The following RUBCNL variants were observed in gnomAD, a reference collection of about 807,000 sequenced individuals.
RUBCNL encodes rubicon like autophagy enhancer.
In RUBCNL, 62 loss-of-function variants were observed where a neutral mutation model predicts 69.5. The ratio of observed to expected loss-of-function variants is 0.89; its 90% CI spans 0.73 to 1.10. RUBCNL has a LOEUF of 1.10. Ranked by LOEUF, RUBCNL falls within the 50% of genes least tolerant of loss-of-function variation. The pLI is 0.00. For missense variants in RUBCNL, 768 were observed against 798.1 expected (o/e 0.96, Z 0.45); for synonymous variants, 291 against 303.6 (o/e 0.96, Z 0.43).
chr13:46,374,049 T>G (rs2048935718), intron 2 of RUBCNL, among the ~76,000 whole-genome samples: 1 of 152,254 alleles, frequency 6.6e-6, no homozygotes, highest in African/African-American at 2.4e-5. Flanking sequence ...TGTCTTAGTC[T>G]GAGTTACCGT....
At chr13:46,354,707 C>G in intron 10 of RUBCNL, 1 of 447,588 alleles carries the variant, frequency 2.2e-6, no homozygotes, top group Admixed American at 2.4e-5. Flanking sequence ...GCTGTAAATC[C>G]CACGGCACTC....
rs529962139 is a variant in RUBCNL at position 46,345,881 on chromosome 13, G to A, written c.1632-281C>T. ...TACAGCCTGCCCATGCACACATTGA[G>A]CAAAAGAAAACTGAGCATTAGTTTT... On this transcript the variant is annotated intron_variant, in intron 12 of 14. Transcript: ENST00000429979. Among the ~76,000 whole-genome samples, 13 of 152,292 alleles carry A rather than the reference G, an allele frequency of 8.5e-5. No homozygotes were observed. The South Asian group carries it at 2.3e-3, about 27-fold the overall frequency.
chr13:46,372,286 G>A lies in RUBCNL; in HGVS notation c.190C>T (p.Gln64Ter), dbSNP rs774970593. 23 of 1,613,898 alleles carry A rather than the reference G, an allele frequency of 1.4e-5. No individual in the cohort carries two copies. The South Asian group carries it at 2.1e-4, about 15-fold the overall frequency. Residue 64 changes from glutamine to a stop codon, truncating the protein, a stop_gained, in exon 3 of 15, where the codon CAG becomes TAG. Transcript: ENST00000429979. LOFTEE classifies it high-confidence loss of function. ...GCTGGCACCTGAGATTGCAAGTCCTGCGGCTGTTGCTGCACATCCTGGGGG... is the reference window on the plus strand; with the variant it reads ...GCTGGCACCTGAGATTGCAAGTCCTACGGCTGTTGCTGCACATCCTGGGGG... ...INPQDVQQQPQDLQSQVPAAG... is the reference protein window; with the variant it reads ...INPQDVQQQP
At position 46,372,100 on chromosome 13, in the gene RUBCNL, T is replaced by C; in HGVS notation, c.376A>G (p.Ser126Gly). 2 of 1,613,938 alleles carry C rather than the reference T, an allele frequency of 1.2e-6. No homozygotes were observed. The highest frequency in any genetic ancestry group is 1.3e-5 in the African/African-American group (1 of 75,000). Reference protein sequence around the residue: ...SPHGSSEKSSSFSLSSTEVHM... With the variant: ...SPHGSSEKSSGFSLSSTEVHM... ...ACCTCTGTTGAGGACAGAGAGAAGCTGCTACTCTTTTCACTCGAGCCATGG... is the reference window on the plus strand; with the variant it reads ...ACCTCTGTTGAGGACAGAGAGAAGCCGCTACTCTTTTCACTCGAGCCATGG... Residue 126 changes from serine (S) to glycine (G), a missense_variant, in exon 3 of 15, where the codon AGC becomes GGC. Transcript: ENST00000429979.
At chr13:46,368,541 T>C (rs1204215500) in intron 4 of RUBCNL, 192 bp downstream of exon 4, 1 of 976,250 alleles carries the variant, frequency 1.0e-6, no homozygotes, top group South Asian at 4.7e-5. Context: ...CACAGAAAAC[T>C]TTCCAGCTGA....
At chr13:46,358,806 A>C (rs903402797) in intron 9 of RUBCNL, among the ~76,000 whole-genome samples, 1 of 152,000 alleles carries the variant, frequency 6.6e-6, no homozygotes, top group African/African-American at 2.4e-5. Flanking sequence ...CCCTGACCCC[A>C]GCCTAGGCCT....
At chr13:46,375,130 G>A (rs1273974840) in intron 2 of RUBCNL, among the ~76,000 whole-genome samples, 2 of 152,132 alleles carry the variant, frequency 1.3e-5, no homozygotes, top group South Asian at 2.1e-4. Context: ...GAGGGGCCTT[G>A]TCTGTTCCCT....
chr13:46,365,587 C>T (rs369913084), intron 5 of RUBCNL, among the ~76,000 whole-genome samples: 8 of 152,190 alleles, frequency 5.3e-5, no homozygotes, highest in Non-Finnish European at 8.8e-5. Flanking sequence ...CTGAAGGATG[C>T]GAAGGATGAA....
In RUBCNL at chr13:46,356,244, G is replaced by A. The variant is rs1035590370; in HGVS notation, c.1330+188C>T. On this transcript the variant is annotated intron_variant, in intron 10 of 14. Coordinates refer to ENST00000429979, the MANE Select transcript of RUBCNL (RefSeq NM_025113.5). ...CTAGGAGGCTGGTCCTGGTGTCCTC[G>A]GTCCTAGTTGATCACACAGCCTTGT... is the stretch of plus-strand genomic sequence containing the variant. Among the ~76,000 whole-genome samples, 27 of 152,144 alleles carry A rather than the reference G, an allele frequency of 1.8e-4. 1 individual carries two copies. Among genetic ancestry groups the A allele is most frequent in the Admixed American group, 1.7e-3 (26 of 15,282 alleles).
At chr13:46,353,729 G>C (rs1371948170) in intron 10 of RUBCNL, among the ~76,000 whole-genome samples, 6 of 152,184 alleles carry the variant, frequency 3.9e-5, no homozygotes, top group Non-Finnish European at 8.8e-5. Context: ...CAGCATCAGG[G>C]GGTTGGGTGG....
upstream of RUBCNL, chr13:46,387,518 G>A (rs1408247484): frequency 1.0e-6 from 1 of 985,662 alleles, no homozygotes; most frequent in Non-Finnish European, 1.2e-6. Context: ...CCTACCCGCG[G>A]CGCGAGACGC....
At position 46,334,762 on chromosome 13, in the gene RUBCNL, T is replaced by C. The variant is rs895311873; in HGVS notation, c.*8623A>G. ...CATACTTTTCATAACTTATATCATTTAATCTGTACGACAACCTTGTGAGAC... is the reference window on the plus strand; with the variant it reads ...CATACTTTTCATAACTTATATCATTCAATCTGTACGACAACCTTGTGAGAC... On this transcript the variant is annotated 3_prime_UTR_variant, in exon 15 of 15. Transcript: ENST00000429979. Among the ~76,000 whole-genome samples, 1 of 152,246 alleles carries C rather than the reference T, an allele frequency of 6.6e-6. No homozygotes were observed. The highest frequency in any genetic ancestry group is 6.5e-5 in the Admixed American group (1 of 15,288).
chr13:46,366,635 T>C (rs1233197914), intron 5 of RUBCNL, among the ~76,000 whole-genome samples: 1 of 152,204 alleles, frequency 6.6e-6, no homozygotes, highest in South Asian at 2.1e-4. Flanking sequence ...ATACACCATA[T>C]GGAGTGAGTT....
At chr13:46,371,567 T>C (rs1185742622) in intron 3 of RUBCNL, among the ~76,000 whole-genome samples, 1 of 152,212 alleles carries the variant, frequency 6.6e-6, no homozygotes, top group African/African-American at 2.4e-5. Flanking sequence ...TACTAGGTAC[T>C]GGTGTGAAAT....
At position 46,335,086 on chromosome 13, in the gene RUBCNL, A is replaced by G. The variant is rs1412957388; in HGVS notation, c.*8299T>C. On this transcript the variant is annotated 3_prime_UTR_variant, in exon 15 of 15. Transcript: ENST00000429979. ...GAATTTGGACTTTTTTTTTTTTGAG[A>G]TGGGGTCTCACTCTGTCACCCAGGC... 3.3e-5 allele frequency among the ~76,000 whole-genome samples: 5 copies of G among 150,830 alleles called. No homozygotes were observed. Among genetic ancestry groups the G allele is most frequent in the Admixed American group, 1.3e-4 (2 of 15,168 alleles).
chr13:46,344,416 G>A (rs1490397516), intron 14 of RUBCNL, among the ~76,000 whole-genome samples: 1 of 152,194 alleles, frequency 6.6e-6, no homozygotes, highest in Non-Finnish European at 1.5e-5. Context: ...AGCAGCCAGA[G>A]ACTTCACCAC....
chr13:46,384,729 A>C (rs924283652), intron 1 of RUBCNL, among the ~76,000 whole-genome samples: 10 of 152,240 alleles, frequency 6.6e-5, no homozygotes, highest in Non-Finnish European at 1.3e-4. Context: ...TTTCCAGCCT[A>C]CTGATGACAA....
intron 12 of RUBCNL, 87 bp from the exon 13 acceptor site, chr13:46,345,687 T>G: frequency 7.6e-7 from 1 of 1,321,600 alleles, no homozygotes; most frequent in Non-Finnish European, 1.0e-6. Flanking sequence ...CTCTTGGCAC[T>G]CACACTTAAT....
intron 9 of RUBCNL, among the ~76,000 whole-genome samples, chr13:46,357,793 C>T (rs2048524215): frequency 6.6e-6 from 1 of 151,966 alleles, no homozygotes; most frequent in Non-Finnish European, 1.5e-5. Context: ...CCATGCCCGG[C>T]TAATTTTTGT....
Sources: allele counts gnomAD v4.1 joint callset (sites outside exome capture counted in the v4.1 genomes callset), GRCh38; gene constraint gnomAD v4.1.1; transcripts MANE v1.5; gene names NCBI Gene and HGNC (gene_info 2026-07-23, HGNC 2026-07-21).